Variants in HAO1 observed in about 807,000 individuals in gnomAD.
HAO1 encodes 2-Hydroxyacid oxidase 1.
Under a neutral mutation model 39.7 loss-of-function variants are expected in HAO1, and 34 were observed. The ratio of observed to expected loss-of-function variants is 0.86; its 90% CI spans 0.65 to 1.14. The LOEUF (loss-of-function observed/expected upper bound fraction) is 1.14. Ranked by LOEUF, HAO1 falls within the 50% of genes most tolerant of loss-of-function variation. The pLI is 0.00. For missense variants in HAO1, 479 were observed against 464.5 expected, an observed-to-expected ratio of 1.03 and a Z score of -0.29; for synonymous variants, 172 against 173.2, an observed-to-expected ratio of 0.99 and a Z score of 0.05.
chr20:7,905,529 A>T (rs73079927), intron 4 of HAO1, among the ~76,000 whole-genome samples: 2,715 of 152,284 alleles, frequency 0.018, 55 homozygotes, highest in Non-Finnish European at 0.024. Flanking sequence ...GGGTAAACAC[A>T]TTTACACTCC....
intron 2 of HAO1, among the ~76,000 whole-genome samples, chr20:7,931,586 GT>G (rs151101594): frequency 0.016 from 2,475 of 152,112 alleles, 71 homozygotes; most frequent in African/African-American, 0.057. Context: ...TATAATACTC[GT>G]AATATACTTA....
At chr20:7,904,492 T>C (rs1047867809) in intron 4 of HAO1, among the ~76,000 whole-genome samples, 5 of 152,244 alleles carry the variant, frequency 3.3e-5, no homozygotes, top group Admixed American at 1.3e-4. Flanking sequence ...CTGCCAGTAC[T>C]TCAGTCTGAA....
At chr20:7,935,019 G>A (rs2050403803) in intron 1 of HAO1, among the ~76,000 whole-genome samples, 1 of 152,146 alleles carries the variant, frequency 6.6e-6, no homozygotes. Flanking sequence ...ACTCTCCCCA[G>A]TTCAATCCCC....
chr20:7,889,924 T>C (rs2050166329), intron 5 of HAO1, among the ~76,000 whole-genome samples: 1 of 152,166 alleles, frequency 6.6e-6, no homozygotes, highest in African/African-American at 2.4e-5. Flanking sequence ...CATGACATCA[T>C]GCTGCCTCCA....
At chr20:7,929,421 C>T (rs1198335838) in intron 2 of HAO1, among the ~76,000 whole-genome samples, 1 of 152,130 alleles carries the variant, frequency 6.6e-6, no homozygotes, top group East Asian at 1.9e-4. Flanking sequence ...ATTGAGCAAA[C>T]ATACAGGACA....
At chr20:7,906,779 GA>G (rs932710661) in intron 3 of HAO1, among the ~76,000 whole-genome samples, 2 of 152,108 alleles carry the variant, frequency 1.3e-5, no homozygotes, top group African/African-American at 4.8e-5. Flanking sequence ...AAGACTCTTA[GA>G]AAGTAACATT....
At chr20:7,938,749 G>T (rs1883209) in intron 1 of HAO1, among the ~76,000 whole-genome samples, 45,410 of 151,982 alleles carry the variant, frequency 0.3, 7,617 homozygotes, top group East Asian at 0.48. Flanking sequence ...ATGCATCCAG[G>T]GGAATGTAAG....
At chr20:7,916,787 G>A (rs2050308915) in intron 2 of HAO1, among the ~76,000 whole-genome samples, 1 of 152,198 alleles carries the variant, frequency 6.6e-6, no homozygotes, top group African/African-American at 2.4e-5. Context: ...ATCTGAGTTG[G>A]AGGTCATCAT....
At position 7,933,418 on chromosome 20, in the gene HAO1, A is replaced by C. The variant is rs184527203; in HGVS notation, c.289+1066T>G. On this transcript the variant is annotated intron_variant, in intron 2 of 7. Transcript: ENST00000378789. ...CCTTTATTATCTTGATTTTGTATAG[A>C]TATTTACCCATTTAGTATTTCCCTT... is the stretch of plus-strand genomic sequence containing the variant. Among the ~76,000 whole-genome samples, 72 of 152,150 alleles carry C rather than the reference A, an allele frequency of 4.7e-4. 2 individuals are homozygous for C. The highest frequency in any genetic ancestry group is 1.6e-3 in the African/African-American group (65 of 41,544).
chr20:7,931,756 T>C (rs1481255587), intron 2 of HAO1, among the ~76,000 whole-genome samples: 1 of 152,166 alleles, frequency 6.6e-6, no homozygotes, highest in Non-Finnish European at 1.5e-5. Flanking sequence ...TTTCTTTTCT[T>C]CTTTCTTCTC....
Position 7,940,281 on chromosome 20 carries a change from C to G in HAO1, c.137+5G>C, listed in dbSNP as rs762096416. 1.9e-6 allele frequency: 3 copies of G among 1,589,824 alleles called. No homozygotes were observed. In the Admixed American group the frequency reaches 5.6e-5, roughly 30 times the overall value. ...AACATGATTTTAAAAAATAAATTTT[C>G]TTACCTGGAAAATGCTGCAATATTA... On this transcript the variant is annotated splice_donor_5th_base_variant and intron_variant, in intron 1 of 7. Coordinates refer to ENST00000378789, the MANE Select transcript of HAO1 (RefSeq NM_017545.3).
chr20:7,908,692 T>C (rs1029904679), intron 3 of HAO1, among the ~76,000 whole-genome samples: 2 of 152,198 alleles, frequency 1.3e-5, no homozygotes, highest in Non-Finnish European at 2.9e-5. Flanking sequence ...GAAAATTTCA[T>C]TGAGTCATAT....
At chr20:7,893,363 C>G (rs1361035443) in intron 5 of HAO1, among the ~76,000 whole-genome samples, 2 of 152,148 alleles carry the variant, frequency 1.3e-5, no homozygotes, top group Non-Finnish European at 2.9e-5. Flanking sequence ...ATGATAACAG[C>G]TCTTTACCAA....
chr20:7,940,232 G>C, intron 1 of HAO1, 54 bp downstream of exon 1: 6 of 1,408,980 alleles, frequency 4.3e-6, no homozygotes, highest in Non-Finnish European at 5.8e-6. Context: ...ATCTTATTTT[G>C]GTACGGTCTT....
chr20:7,937,500 A>C (rs1441235408), intron 1 of HAO1, among the ~76,000 whole-genome samples: 1 of 152,188 alleles, frequency 6.6e-6, no homozygotes, highest in Non-Finnish European at 1.5e-5. Context: ...TTAAAGTGAA[A>C]GAATGACATC....
At chr20:7,894,616 A>T (rs1407184176) in intron 5 of HAO1, among the ~76,000 whole-genome samples, 1 of 152,062 alleles carries the variant, frequency 6.6e-6, no homozygotes, top group Non-Finnish European at 1.5e-5. Flanking sequence ...GCCCGGACCT[A>T]AGCCTTTTTT....
chr20:7,929,841 T>C (rs1361615899), intron 2 of HAO1, among the ~76,000 whole-genome samples: 2 of 152,048 alleles, frequency 1.3e-5, no homozygotes, highest in Non-Finnish European at 2.9e-5. Context: ...TCCAGTCTGG[T>C]GACAGAGCAA....
chr20:7,928,756 T>A (rs1422522305), intron 2 of HAO1, among the ~76,000 whole-genome samples: 1 of 152,180 alleles, frequency 6.6e-6, no homozygotes, highest in Non-Finnish European at 1.5e-5. Flanking sequence ...AATTTCCACA[T>A]AAATCAGATG....
intron 1 of HAO1, among the ~76,000 whole-genome samples, chr20:7,936,991 C>T (rs562336107): frequency 6.6e-6 from 1 of 152,100 alleles, no homozygotes; most frequent in Non-Finnish European, 1.5e-5. Context: ...TCCTGGGCCT[C>T]CACTTTGGAA....
Sources: gnomAD v4.1 joint callset for allele counts (sites outside exome capture counted in the v4.1 genomes callset) on GRCh38, gnomAD v4.1.1 for gene constraint, MANE v1.5 for transcripts, NCBI Gene and HGNC (gene_info 2026-07-23, HGNC 2026-07-21) for gene names.